The following UNC5C variants were observed in gnomAD, a reference collection of about 807,000 sequenced individuals.
The protein encoded by UNC5C is unc-5 netrin receptor C.
In UNC5C, 47 loss-of-function variants were observed where a neutral mutation model predicts 99.8. That is an observed-to-expected ratio of 0.47 (90% CI 0.37 to 0.60). UNC5C has a LOEUF of 0.60. Ranked by LOEUF, UNC5C falls within the 20% of genes least tolerant of loss-of-function variation. UNC5C has a pLI of 0.00. For missense variants in UNC5C, 1,062 were observed against 1,165.9 expected (o/e 0.91, Z 1.30); for synonymous variants, 487 against 452.2 (o/e 1.08, Z -0.98).
intron 14 of UNC5C, among the ~76,000 whole-genome samples, chr4:95,173,615 T>G (rs1243168951): frequency 6.8e-6 from 1 of 146,090 alleles, no homozygotes; most frequent in African/African-American, 2.5e-5. Flanking sequence ...TGGATAAGCT[T>G]TTTGATGTGC....
chr4:95,405,780 G>T (rs902439747), intron 1 of UNC5C, among the ~76,000 whole-genome samples: 4 of 152,124 alleles, frequency 2.6e-5, no homozygotes, highest in Non-Finnish European at 5.9e-5. Context: ...TTAGCTGTGT[G>T]TGCACCAGGC....
At chr4:95,452,998 G>A (rs763395888) in intron 1 of UNC5C, among the ~76,000 whole-genome samples, 4 of 152,164 alleles carry the variant, frequency 2.6e-5, no homozygotes, top group Admixed American at 6.6e-5. Context: ...GTTTTCATAT[G>A]ATCATATTTC....
chr4:95,433,263 G>C (rs1359033756), intron 1 of UNC5C, among the ~76,000 whole-genome samples: 1 of 152,046 alleles, frequency 6.6e-6, no homozygotes, highest in Non-Finnish European at 1.5e-5. Flanking sequence ...AAAGTGATGA[G>C]ATATGCTTAT....
chr4:95,349,828 G>A (rs893434178), intron 1 of UNC5C, among the ~76,000 whole-genome samples: 2 of 151,764 alleles, frequency 1.3e-5, no homozygotes, highest in Admixed American at 1.3e-4. Context: ...ATGCCCTAAC[G>A]TCCTCATGTC....
At chr4:95,418,802 C>A (rs1012119931) in intron 1 of UNC5C, among the ~76,000 whole-genome samples, 4 of 152,130 alleles carry the variant, frequency 2.6e-5, no homozygotes, top group Admixed American at 2.6e-4. Flanking sequence ...ACAGAGAAGT[C>A]CCTGTTCTTC....
At chr4:95,475,194 G>A (rs1373954327) in intron 1 of UNC5C, among the ~76,000 whole-genome samples, 1 of 151,784 alleles carries the variant, frequency 6.6e-6, no homozygotes, top group Non-Finnish European at 1.5e-5. Context: ...TAAATTAAGG[G>A]GTGTCTTTAT....
intron 1 of UNC5C, among the ~76,000 whole-genome samples, chr4:95,359,937 C>T (rs1031961128): frequency 3.9e-5 from 6 of 152,106 alleles, no homozygotes; most frequent in Non-Finnish European, 7.4e-5. Flanking sequence ...ATCATTACTG[C>T]CATTCTGAAG....
intron 1 of UNC5C, among the ~76,000 whole-genome samples, chr4:95,451,925 G>A (rs1409588370): frequency 6.6e-6 from 1 of 152,062 alleles, no homozygotes; most frequent in African/African-American, 2.4e-5. Flanking sequence ...CAACATGACC[G>A]TGATAGCTCT....
chr4:95,418,586 C>T (rs566301176), intron 1 of UNC5C, among the ~76,000 whole-genome samples: 285 of 152,264 alleles, frequency 1.9e-3, no homozygotes, highest in African/African-American at 6.6e-3. Flanking sequence ...TTGAGGCCTA[C>T]TTTTTACTAT....
At position 95,548,926 on chromosome 4, in the gene UNC5C, TG is replaced by T; in HGVS notation, c.-70del. 1 of 1,579,200 alleles carries T rather than the reference TG, an allele frequency of 6.3e-7. No homozygotes were observed. Among genetic ancestry groups the T allele is most frequent in the Non-Finnish European group, 8.6e-7 (1 of 1,157,624 alleles). ...ACGCGCAAACAGCTGAAAGCCCCAC[TG>T]GGCAGAAGCTGAATCCGTGCACCGC... is the stretch of plus-strand genomic sequence containing the variant. On this transcript the variant is annotated 5_prime_UTR_variant, in exon 1 of 16. Transcript: ENST00000453304.
intron 14 of UNC5C, among the ~76,000 whole-genome samples, chr4:95,177,531 C>T (rs1736417626): frequency 1.3e-5 from 2 of 152,218 alleles, no homozygotes; most frequent in Non-Finnish European, 2.9e-5. Flanking sequence ...GTTCCACATT[C>T]TGCGATCAGC....
intron 14 of UNC5C, among the ~76,000 whole-genome samples, chr4:95,170,827 G>T (rs1352926747): frequency 6.6e-6 from 1 of 152,202 alleles, no homozygotes; most frequent in Non-Finnish European, 1.5e-5. Flanking sequence ...CTCCACAGAA[G>T]ATGTCTCAGT....
chr4:95,504,694 T>C (rs778823808), intron 1 of UNC5C, among the ~76,000 whole-genome samples: 2 of 151,992 alleles, frequency 1.3e-5, no homozygotes, highest in Non-Finnish European at 2.9e-5. Flanking sequence ...TGCTGACACA[T>C]TATAACAAGG....
chr4:95,397,389 T>A (rs1042827650), intron 1 of UNC5C, among the ~76,000 whole-genome samples: 1 of 152,182 alleles, frequency 6.6e-6, no homozygotes, highest in Admixed American at 6.5e-5. Flanking sequence ...CTAATCCCAT[T>A]CTACCAAGGA....
At chr4:95,182,189 T>C (rs1001376796) in intron 14 of UNC5C, among the ~76,000 whole-genome samples, 1 of 152,210 alleles carries the variant, frequency 6.6e-6, no homozygotes, top group Non-Finnish European at 1.5e-5. Flanking sequence ...GTGATCACTA[T>C]TATTTCTGTA....
chr4:95,190,116 ATAAAG>A (rs1737010285), intron 12 of UNC5C, among the ~76,000 whole-genome samples: 1 of 152,226 alleles, frequency 6.6e-6, no homozygotes, highest in South Asian at 2.1e-4. Context: ...GATAGACTGA[ATAAAG>A]AAAATGTGGC....
At chr4:95,432,894 T>C (rs756550568) in intron 1 of UNC5C, among the ~76,000 whole-genome samples, 3 of 152,168 alleles carry the variant, frequency 2.0e-5, no homozygotes, top group African/African-American at 4.8e-5. Context: ...CTTCACACTA[T>C]GCTACTTACA....
At chr4:95,170,004 A>G in intron 15 of UNC5C, 150 bp downstream of exon 15, 1 of 993,470 alleles carries the variant, frequency 1.0e-6, no homozygotes, top group Non-Finnish European at 1.5e-6. Context: ...TGCAAGGTAC[A>G]AGGACAGAGC....
intron 1 of UNC5C, among the ~76,000 whole-genome samples, chr4:95,465,490 A>T (rs1370003752): frequency 6.6e-6 from 1 of 151,872 alleles, no homozygotes; most frequent in East Asian, 1.9e-4. Flanking sequence ...AGGGTTCACA[A>T]AATGTCCTAG....
Sources: allele counts gnomAD v4.1 joint callset (sites outside exome capture counted in the v4.1 genomes callset), GRCh38; gene constraint gnomAD v4.1.1; transcripts MANE v1.5; gene names NCBI Gene and HGNC (gene_info 2026-07-23, HGNC 2026-07-21).